Variants in TRPM3 observed in about 807,000 individuals in gnomAD.
TRPM3 encodes the protein transient receptor potential cation channel subfamily M member 3.
In TRPM3, 77 loss-of-function variants were observed where a neutral mutation model predicts 181.2. The ratio of observed to expected loss-of-function variants is 0.42; its 90% CI spans 0.35 to 0.51. The LOEUF (loss-of-function observed/expected upper bound fraction) is 0.51, where lower values mean the gene tolerates loss of function less well. Among genes scored for constraint, TRPM3 ranks in the 20% least tolerant of loss-of-function variants. TRPM3 has a pLI of 0.01. For missense variants in TRPM3, 1,759 were observed against 2,196.7 expected (o/e 0.80, Z 3.98); for synonymous variants, 745 against 796.4 (o/e 0.94, Z 1.09).
chr9:70,917,224 C>T (rs2096605971), intron 1 of TRPM3: 1 of 1,585,360 alleles, frequency 6.3e-7, no homozygotes, highest in South Asian at 1.1e-5. Context: ...TTGCAAAATA[C>T]AGGGCAATAG....
intron 8 of TRPM3, among the ~76,000 whole-genome samples, chr9:70,738,836 G>T (rs2073356224): frequency 6.6e-6 from 1 of 152,038 alleles, no homozygotes; most frequent in African/African-American, 2.4e-5. Context: ...ATCATTCAAG[G>T]CTACATGAAC....
intron 1 of TRPM3, among the ~76,000 whole-genome samples, chr9:70,943,841 G>C: frequency 6.6e-6 from 1 of 151,984 alleles, no homozygotes; most frequent in East Asian, 1.9e-4. Context: ...GCATGATCTC[G>C]GCTTCTTGGC....
At chr9:70,629,016 T>C (rs1374150457) in intron 12 of TRPM3, among the ~76,000 whole-genome samples, 2 of 151,680 alleles carry the variant, frequency 1.3e-5, no homozygotes, top group African/African-American at 4.8e-5. Flanking sequence ...AAAGTGATTA[T>C]AGTAAAATTC....
At chr9:71,108,219 A>G (rs1336732394) in intron 1 of TRPM3, among the ~76,000 whole-genome samples, 1 of 152,208 alleles carries the variant, frequency 6.6e-6, no homozygotes, top group East Asian at 1.9e-4. Context: ...CTCTTGTTAT[A>G]TATTAGCAAA....
rs1564692053 is a variant in TRPM3 at position 70,888,365 on chromosome 9, GTGT to G, written c.178-23857_178-23855del. On this transcript the variant is annotated intron_variant, in intron 1 of 25. Coordinates refer to ENST00000677713, the MANE Select transcript of TRPM3 (RefSeq NM_001366145.2). The stretch of plus-strand genomic sequence containing the variant: ...TTTGCTCTTGCTTTTATTTTGGGGT[GTGT>G]GTGTGTGTGTGTGTGTGTGTGTGTG... Among the ~76,000 whole-genome samples the G allele has an allele frequency of 2.1e-3, 190 of 90,472 alleles. 3 individuals are homozygous for G. Among genetic ancestry groups the G allele is most frequent in the East Asian group, 3.1e-3 (5 of 1,612 alleles). The allele number at this position is 90,472 out of a possible 152,430, so 59.4% of individuals were successfully genotyped here.
At chr9:70,560,556 G>C (rs2048806157) in intron 22 of TRPM3, among the ~76,000 whole-genome samples, 1 of 152,060 alleles carries the variant, frequency 6.6e-6, no homozygotes, top group South Asian at 2.1e-4. Context: ...AACACTTTAG[G>C]GTCCCTGTCA....
chr9:70,618,148 A>T (rs576750013), intron 17 of TRPM3, among the ~76,000 whole-genome samples: 2 of 152,286 alleles, frequency 1.3e-5, no homozygotes, highest in African/African-American at 4.8e-5. Context: ...AAAAGAACAT[A>T]AAAAAAGCAA....
chr9:70,935,479 A>C (rs2096820576), intron 1 of TRPM3, among the ~76,000 whole-genome samples: 1 of 152,240 alleles, frequency 6.6e-6, no homozygotes, highest in Non-Finnish European at 1.5e-5. Flanking sequence ...TTTCTCTCAC[A>C]GAATAGTACC....
chr9:71,240,807 C>T (rs1588099542), intron 1 of TRPM3, among the ~76,000 whole-genome samples: 1 of 152,248 alleles, frequency 6.6e-6, no homozygotes, highest in East Asian at 1.9e-4. Flanking sequence ...CTGCACTCTA[C>T]CCATCCTAGG....
chr9:71,275,133 A>G (rs2084094357), intron 1 of TRPM3, among the ~76,000 whole-genome samples: 1 of 152,238 alleles, frequency 6.6e-6, no homozygotes, highest in Non-Finnish European at 1.5e-5. Context: ...CTATGATATA[A>G]TTGTGTTTAT....
At chr9:71,381,996 C>G (rs2092811891) in intron 1 of TRPM3, among the ~76,000 whole-genome samples, 1 of 152,090 alleles carries the variant, frequency 6.6e-6, no homozygotes, top group African/African-American at 2.4e-5. Context: ...TTACTGTATA[C>G]TGTGGTATAT....
intron 1 of TRPM3, among the ~76,000 whole-genome samples, chr9:71,215,037 A>C (rs1220398782): frequency 1.7e-4 from 6 of 35,036 alleles, no homozygotes; most frequent in African/African-American, 2.7e-4. Flanking sequence ...AAAAAACAAA[A>C]AAAAAAAAAC....
At chr9:70,789,752 G>C (rs115829294) in intron 6 of TRPM3, among the ~76,000 whole-genome samples, 3 of 152,220 alleles carry the variant, frequency 2.0e-5, no homozygotes, top group Non-Finnish European at 4.4e-5. Flanking sequence ...AGATTTAACA[G>C]CTCTGCGTTC....
At chr9:71,338,531 A>G (rs1175464590) in intron 1 of TRPM3, among the ~76,000 whole-genome samples, 1 of 152,168 alleles carries the variant, frequency 6.6e-6, no homozygotes, top group Admixed American at 6.6e-5. Context: ...AAAAGAACCT[A>G]TGATCAATGT....
chr9:70,552,080 G>C (rs572320240), intron 24 of TRPM3, among the ~76,000 whole-genome samples: 1 of 152,332 alleles, frequency 6.6e-6, no homozygotes, highest in Admixed American at 6.5e-5. Context: ...CAGTAGATTT[G>C]ATGTAGGTGG....
At chr9:70,929,986 G>A (rs1245242290) in intron 1 of TRPM3, among the ~76,000 whole-genome samples, 1 of 152,176 alleles carries the variant, frequency 6.6e-6, no homozygotes, top group Non-Finnish European at 1.5e-5. Context: ...TTATGAGATA[G>A]ATATTTTTAT....
At chr9:71,417,024 A>C (rs2093646938) in intron 1 of TRPM3, among the ~76,000 whole-genome samples, 1 of 151,954 alleles carries the variant, frequency 6.6e-6, no homozygotes, top group East Asian at 1.9e-4. Context: ...TTATTGCTGA[A>C]TATTTCATTG....
chr9:71,088,252 A>G (rs1333035367), intron 1 of TRPM3, among the ~76,000 whole-genome samples: 1 of 152,126 alleles, frequency 6.6e-6, no homozygotes, highest in African/African-American at 2.4e-5. Flanking sequence ...ATTATACCCG[A>G]AACGAGAAAA....
intron 1 of TRPM3, among the ~76,000 whole-genome samples, chr9:71,032,374 T>G (rs1216545113): frequency 1.3e-5 from 2 of 150,560 alleles, no homozygotes; most frequent in African/African-American, 4.9e-5. Context: ...GTTAAAAAAG[T>G]GATTTCCTGA....
Sources: allele counts gnomAD v4.1 joint callset (sites outside exome capture counted in the v4.1 genomes callset), GRCh38; gene constraint gnomAD v4.1.1; transcripts MANE v1.5; gene names NCBI Gene and HGNC (gene_info 2026-07-23, HGNC 2026-07-21).